JAKMIP1: variants seen among roughly 807,000 people sequenced by gnomAD.
The protein encoded by JAKMIP1 is janus kinase and microtubule-interacting protein 1.
In JAKMIP1, 33 loss-of-function variants were observed where a neutral mutation model predicts 113.0. The ratio of observed to expected loss-of-function variants is 0.29; its 90% confidence interval spans 0.22 to 0.39. The LOEUF (loss-of-function observed/expected upper bound fraction) is 0.39, where lower values mean the gene tolerates loss of function less well. JAKMIP1 is among the 10% of genes least tolerant of loss of function. The pLI is 1.00. For missense variants in JAKMIP1, 813 were observed against 1,080.5 expected (o/e 0.75, Z 3.47); for synonymous variants, 480 against 459.9 (o/e 1.04, Z -0.56).
chr4:6,115,650 G>A (rs1035901678), intron 1 of JAKMIP1, among the ~76,000 whole-genome samples: 3 of 152,168 alleles, frequency 2.0e-5, no homozygotes, highest in East Asian at 3.9e-4. Flanking sequence ...ACTCTTCTAG[G>A]TAAGTACAAT....
At chr4:6,070,616 G>T (rs771482266) in intron 8 of JAKMIP1, among the ~76,000 whole-genome samples, 1 of 152,190 alleles carries the variant, frequency 6.6e-6, no homozygotes, top group African/African-American at 2.4e-5. Context: ...CAATCGCAAG[G>T]CCCCCGGGGC....
rs1435383085 is a variant in JAKMIP1, at chr4:6,162,652, T to C, written c.-148+37601A>G. ...GTGGCACTGCCCATCTGTTAGCTCC[T>C]TAACTGTCACGACAACCTGTTAAGG... is the stretch of plus-strand genomic sequence containing the variant. On this transcript the variant is annotated intron_variant, in intron 1 of 20. Transcript: ENST00000409021. This position sits in a 1 kb window ranked among gnomAD's most constrained non-coding sequence, Gnocchi z 5.6. Among the ~76,000 whole-genome samples, 1 of 152,232 alleles carries C rather than the reference T, an allele frequency of 6.6e-6. No homozygotes were observed. The highest frequency in any genetic ancestry group is 1.5e-5 in the Non-Finnish European group (1 of 68,034).
intron 3 of JAKMIP1, among the ~76,000 whole-genome samples, chr4:6,087,048 A>C (rs1721404907): frequency 6.6e-6 from 1 of 152,156 alleles, no homozygotes; most frequent in Non-Finnish European, 1.5e-5. Context: ...ATGAAGTTTG[A>C]GATTATTTGT....
Position 6,199,756 on chromosome 4 carries a change from C to T in JAKMIP1, c.-148+497G>A, listed in dbSNP as rs1728243842. Among the ~76,000 whole-genome samples the T allele has an allele frequency of 6.6e-6, 1 of 151,106 alleles. No individual in the cohort carries two copies. Among genetic ancestry groups the T allele is most frequent in the Non-Finnish European group, 1.5e-5 (1 of 67,646 alleles). On this transcript the variant is annotated intron_variant, in intron 1 of 20. Transcript: ENST00000409021. This position sits in a 1 kb window ranked among gnomAD's most constrained non-coding sequence, Gnocchi z 5.6. ...CGCGCCGCCGGGGCGCGGCCCCCAG[C>T]TCCATCTTCTTTGCCACCTGGGCGG...
chr4:6,181,384 A>G lies in JAKMIP1; in HGVS notation c.-148+18869T>C, dbSNP rs1395985811. Among the ~76,000 whole-genome samples, 1 of 152,208 alleles carries G rather than the reference A, an allele frequency of 6.6e-6. No homozygotes were observed. The highest frequency in any genetic ancestry group is 1.5e-5 in the Non-Finnish European group (1 of 68,036). The stretch of plus-strand genomic sequence containing the variant: ...CATAAACCAAGATGAGCTTACTGCC[A>G]GGTTACTACCAGGTCACTATCAGGT... On this transcript the variant is annotated intron_variant, in intron 1 of 20. Coordinates refer to ENST00000409021, the MANE Select transcript of JAKMIP1 (RefSeq NM_001099433.2). The surrounding 1 kb of genome is among the most constrained non-coding windows in gnomAD (Gnocchi z 5.4).
chr4:6,054,093 T>C lies in JAKMIP1; in HGVS notation c.1763A>G (p.Lys588Arg). Reference sequence around the variant, plus strand: ...GAATTCTAACAGCTCGTTCTGATCCTTGGCGTCTTGCATTTCATTCTTCAG... The same window carrying C: ...GAATTCTAACAGCTCGTTCTGATCCCTGGCGTCTTGCATTTCATTCTTCAG... ...NQLKNEMQDAKDQNELLEFRV... is the reference protein window; with the variant it reads ...NQLKNEMQDARDQNELLEFRV... Residue 588 changes from lysine to arginine, a missense_variant, in exon 13 of 21, where the codon AAG becomes AGG. Physicochemically the swap from Lys to Arg is conservative, Grantham distance 26 (BLOSUM62 2). Coordinates refer to ENST00000409021, the MANE Select transcript of JAKMIP1 (RefSeq NM_001099433.2). 6.2e-7 allele frequency: 1 copy of C among 1,614,164 alleles called. No individual in the cohort carries two copies. The highest frequency in any genetic ancestry group is 8.5e-7 in the Non-Finnish European group (1 of 1,179,964).
In JAKMIP1 at chr4:6,105,490, G is replaced by A. The variant is rs1713759974; in HGVS notation, c.607C>T (p.Arg203Cys). The change falls in exon 3 of 21, where the codon CGC becomes TGC. Residue 203 changes from arginine to cysteine, a missense_variant. By Grantham distance (180) the Arg-to-Cys change is radical (BLOSUM62 -3). This residue lies in a region of JAKMIP1 where 540 missense variants were observed against 653.9 expected (regional missense o/e 0.83). Transcript: ENST00000409021. ...GCACGTACCAGCCTGCGGATGTCGC[G>A]CTCGCACTCGCGCTTGATGCGGTGC... ...EVHRIKRECERDIRRLMDEIK... is the reference protein window; with the variant it reads ...EVHRIKRECECDIRRLMDEIK... 1.9e-6 allele frequency: 3 copies of A among 1,603,298 alleles called. No individual in the cohort carries two copies. The highest frequency in any genetic ancestry group is 2.6e-6 in the Non-Finnish European group (3 of 1,175,360).
At position 6,081,189 on chromosome 4, in the gene JAKMIP1, G is replaced by A. The variant is rs186592788; in HGVS notation, c.1101+420C>T. On this transcript the variant is annotated intron_variant, in intron 6 of 20. Coordinates refer to ENST00000409021, the MANE Select transcript of JAKMIP1 (RefSeq NM_001099433.2). This position sits in a 1 kb window ranked among gnomAD's most constrained non-coding sequence, Gnocchi z 4.6. ...AACACCAGGCATCCTAGCTGGAGGA[G>A]AAACCCCTCTGCAGAGCATCGCCAG... Among the ~76,000 whole-genome samples, 1 of 152,220 alleles carries A rather than the reference G, an allele frequency of 6.6e-6. No individual in the cohort carries two copies. The highest frequency in any genetic ancestry group is 2.4e-5 in the African/African-American group (1 of 41,446).
chr4:6,164,643 G>C (rs931772367), intron 1 of JAKMIP1, among the ~76,000 whole-genome samples: 17 of 152,350 alleles, frequency 1.1e-4, no homozygotes, highest in African/African-American at 4.1e-4. Context: ...CATCATTCTA[G>C]ATGCATTAAG....
intron 8 of JAKMIP1, among the ~76,000 whole-genome samples, chr4:6,068,244 ATGT>A (rs1166811945): frequency 6.6e-6 from 1 of 152,202 alleles, no homozygotes; most frequent in East Asian, 1.9e-4. Flanking sequence ...TTAACTACCG[ATGT>A]TGCCGCCTGT....
rs1371989491 is a variant in JAKMIP1, at chr4:6,157,875, T to C, written c.-148+42378A>G. Among the ~76,000 whole-genome samples the C allele has an allele frequency of 6.6e-6, 1 of 152,244 alleles. No homozygotes were observed. The highest frequency in any genetic ancestry group is 2.4e-5 in the African/African-American group (1 of 41,460). Reference sequence around the variant, plus strand: ...GCTAACAGATTGTTGTCTATTTCCTTTCCTTGGGCTCTGTTAGAACCAAGG... The same window carrying C: ...GCTAACAGATTGTTGTCTATTTCCTCTCCTTGGGCTCTGTTAGAACCAAGG... On this transcript the variant is annotated intron_variant, in intron 1 of 20. Coordinates refer to ENST00000409021, the MANE Select transcript of JAKMIP1 (RefSeq NM_001099433.2). This position sits in a 1 kb window ranked among gnomAD's most constrained non-coding sequence, Gnocchi z 4.7.
chr4:6,155,161 GC>G lies in JAKMIP1; in HGVS notation c.-147-42165del, dbSNP rs1230802210. Among the ~76,000 whole-genome samples, 4,538 of 152,114 alleles carry G rather than the reference GC, an allele frequency of 0.03. 235 individuals carry two copies. Among genetic ancestry groups the G allele is most frequent in the African/African-American group, 0.1 (4,298 of 41,470 alleles). ...GCAGTTGACTCTCCGCTATCAAAAG[GC>G]CTACACATGAATGCCTGGCTGGAGC... On this transcript the variant is annotated intron_variant, in intron 1 of 20. Coordinates refer to ENST00000409021, the MANE Select transcript of JAKMIP1 (RefSeq NM_001099433.2). The surrounding 1 kb of genome is among the most constrained non-coding windows in gnomAD (Gnocchi z 6.1).
chr4:6,052,571 G>A (rs6850751), intron 13 of JAKMIP1, among the ~76,000 whole-genome samples: 42,613 of 150,460 alleles, frequency 0.28, 10,090 homozygotes, highest in African/African-American at 0.65. Flanking sequence ...ACTCACACTC[G>A]GGAGGCAGAG....
rs755921112 is a variant in JAKMIP1 at position 6,083,064 on chromosome 4, A to G, written c.955-1309T>C. 1.1e-4 allele frequency among the ~76,000 whole-genome samples: 17 copies of G among 152,198 alleles called. 1 individual carries two copies. Among genetic ancestry groups the G allele is most frequent in the Non-Finnish European group, 1.9e-4 (13 of 68,042 alleles). ...TTTTAAGGTATTTATTTAAACATTA[A>G]GAACATTTAAGAACCACTCCAAACT... On this transcript the variant is annotated intron_variant, in intron 5 of 20. Coordinates refer to ENST00000409021, the MANE Select transcript of JAKMIP1 (RefSeq NM_001099433.2).
Position 6,162,943 on chromosome 4 carries a change from T to C in JAKMIP1, c.-148+37310A>G, listed in dbSNP as rs1053562569. ...TCCAGGCAAAGCCTCATCATGACCA[T>C]GTGAGGCCACAGCATCAGACACGGG... On this transcript the variant is annotated intron_variant, in intron 1 of 20. Transcript: ENST00000409021. This position sits in a 1 kb window ranked among gnomAD's most constrained non-coding sequence, Gnocchi z 5.6. Among the ~76,000 whole-genome samples the C allele has an allele frequency of 2.0e-5, 3 of 152,192 alleles. No individual in the cohort carries two copies. Among genetic ancestry groups the C allele is most frequent in the Non-Finnish European group, 2.9e-5 (2 of 68,036 alleles).
chr4:6,057,763 TG>T (rs1483760636), intron 11 of JAKMIP1, among the ~76,000 whole-genome samples: 2 of 152,196 alleles, frequency 1.3e-5, no homozygotes, highest in African/African-American at 2.4e-5. Flanking sequence ...ACCTCAAAGC[TG>T]GGCTGGGCCA....
intron 1 of JAKMIP1, among the ~76,000 whole-genome samples, chr4:6,145,885 T>C (rs1720780104): frequency 1.3e-5 from 2 of 152,108 alleles, no homozygotes; most frequent in Admixed American, 6.6e-5. Context: ...TTAGGGACCA[T>C]CCTAATGACC....
intron 8 of JAKMIP1, among the ~76,000 whole-genome samples, chr4:6,070,471 G>A (rs1453988320): frequency 6.6e-6 from 1 of 152,256 alleles, no homozygotes; most frequent in Admixed American, 6.5e-5. Flanking sequence ...GTTTCCAGGG[G>A]CGGGATAGGG....
chr4:6,170,639 C>CAG (rs1724461120), intron 1 of JAKMIP1, among the ~76,000 whole-genome samples: 1 of 123,756 alleles, frequency 8.1e-6, no homozygotes, highest in Non-Finnish European at 1.7e-5. Flanking sequence ...AACACCATCA[C>CAG]CTCTACCATT....
Sources: allele counts gnomAD v4.1 joint callset (sites outside exome capture counted in the v4.1 genomes callset), GRCh38; gene constraint gnomAD v4.1.1; regional missense constraint gnomAD v4.1.1; non-coding constraint Gnocchi (gnomAD v3.1); transcripts MANE v1.5; gene names NCBI Gene and HGNC (gene_info 2026-07-23, HGNC 2026-07-21).